The following PAICS variants were observed in gnomAD, a reference collection of about 807,000 sequenced individuals.
The protein encoded by PAICS is bifunctional phosphoribosylaminoimidazole carboxylase/phosphoribosylaminoimidazole succinocarboxamide synthetase.
In PAICS, 33 loss-of-function variants were observed where a neutral mutation model predicts 53.7. That is an observed-to-expected ratio of 0.61 (90% CI 0.47 to 0.82). PAICS has a LOEUF of 0.82. Ranked by LOEUF, PAICS falls within the 40% of genes least tolerant of loss-of-function variation. The pLI, the probability that PAICS is intolerant of heterozygous loss-of-function variation, is 0.00. For synonymous variants in PAICS, 141 were observed against 167.2 expected, an observed-to-expected ratio of 0.84 and a Z score of 1.21; for missense variants, 394 against 494.1, an observed-to-expected ratio of 0.80 and a Z score of 1.92.
the PAICS span, among the ~76,000 whole-genome samples, chr4:56,411,658 AT>A: frequency 6.6e-6 from 1 of 152,238 alleles, no homozygotes; most frequent in Non-Finnish European, 1.5e-5. Flanking sequence ...CAAGAGCAGA[AT>A]TATTCAAAAA....
chr4:56,451,871 G>A lies in PAICS; in HGVS notation c.772-1G>A, dbSNP rs1207199243. 1.3e-6 allele frequency: 2 copies of A among 1,535,956 alleles called. No individual in the cohort carries two copies. The highest frequency in any genetic ancestry group is 2.5e-5 in the South Asian group (2 of 79,212). ...TTCATATCCACGTATTTTTTCTTCA[G>A]TTGCTTTTGAAATCAGAAAGTCAGT... On this transcript the variant is annotated splice_acceptor_variant, in intron 6 of 8. Coordinates refer to ENST00000512576, the MANE Select transcript of PAICS (RefSeq NM_001079524.2). LOFTEE classifies it high-confidence loss of function.
chr4:56,433,375 C>T (rs573201368), upstream of PAICS, among the ~76,000 whole-genome samples: 4 of 137,880 alleles, frequency 2.9e-5, no homozygotes, highest in African/African-American at 1.1e-4. Context: ...ATATATGTAA[C>T]CAGGAATCAA....
At chr4:56,450,744 C>A (rs539510367) in intron 6 of PAICS, 42 bp downstream of exon 6, 2 of 940,168 alleles carry the variant, frequency 2.1e-6, no homozygotes, top group Non-Finnish European at 3.3e-6. Flanking sequence ...ATGTGTTTTT[C>A]TTCTAAGAAA....
chr4:56,437,256 GGTGTGTGTGTGTGTGT>G (rs57161391), intron 1 of PAICS, among the ~76,000 whole-genome samples: 14 of 124,402 alleles, frequency 1.1e-4, no homozygotes, highest in Admixed American at 4.0e-4. Flanking sequence ...ATGCCATGAT[GGTGTGTGTGTGTGTGT>G]GTGTGTGTGT....
At chr4:56,435,770 G>C, upstream of PAICS, 11 of 1,501,398 alleles carry the variant, frequency 7.3e-6, no homozygotes, top group Non-Finnish European at 8.0e-6. Context: ...CCTAAGAGCT[G>C]CCTGGAAAGC....
upstream of PAICS, chr4:56,435,606 C>T (rs1407892937): frequency 2.0e-6 from 3 of 1,523,406 alleles, no homozygotes; most frequent in African/African-American, 4.1e-5. Flanking sequence ...CGAGGGTGGC[C>T]CCAGCTACTG....
At chr4:56,434,858 C>T (rs183655799), upstream of PAICS, among the ~76,000 whole-genome samples, 161 of 152,376 alleles carry the variant, frequency 1.1e-3, no homozygotes, top group Non-Finnish European at 6.2e-4. Context: ...AACCCATAAT[C>T]TGCTCAATAG....
the PAICS span, among the ~76,000 whole-genome samples, chr4:56,413,927 G>A: frequency 2.0e-5 from 3 of 152,162 alleles, no homozygotes; most frequent in South Asian, 2.1e-4. Flanking sequence ...AATAATTAAC[G>A]ACTTAGGCTA....
chr4:56,423,370 C>T, the PAICS span: 1 of 152,166 alleles, frequency 6.6e-6, no homozygotes, highest in Non-Finnish European at 1.5e-5. Flanking sequence ...TGCCTATAAT[C>T]CCAGCTTCTT....
At chr4:56,431,590 T>C (rs1717586037), upstream of PAICS, 5 of 869,778 alleles carry the variant, frequency 5.7e-6, no homozygotes, top group East Asian at 1.2e-4. Context: ...ATGTTTGTCA[T>C]TGTAAGGTTC....
intron 1 of PAICS, among the ~76,000 whole-genome samples, chr4:56,440,815 G>T (rs1718299147): frequency 6.6e-6 from 1 of 152,196 alleles, no homozygotes; most frequent in Admixed American, 6.5e-5. Flanking sequence ...TTGGCACATG[G>T]ATACACCGGG....
At chr4:56,428,127 A>T in the PAICS span, among the ~76,000 whole-genome samples, 1 of 152,222 alleles carries the variant, frequency 6.6e-6, no homozygotes, top group Non-Finnish European at 1.5e-5. Context: ...CTTTTGACTC[A>T]TATTGAAGTT....
At chr4:56,441,371 G>C (rs1718328901) in intron 1 of PAICS, among the ~76,000 whole-genome samples, 1 of 151,966 alleles carries the variant, frequency 6.6e-6, no homozygotes, top group Admixed American at 6.6e-5. Context: ...AGAGGAGTTA[G>C]GATTTTATCT....
the PAICS span, among the ~76,000 whole-genome samples, chr4:56,427,130 G>C: frequency 1.3e-4 from 19 of 151,936 alleles, no homozygotes; most frequent in Non-Finnish European, 1.2e-4. Flanking sequence ...TTCATCCATC[G>C]ATGGTTATCT....
rs752603839 is a variant in PAICS at position 56,451,919 on chromosome 4, C to T, written c.819C>T (p.Gly273=). 5.6e-6 allele frequency: 9 copies of T among 1,606,280 alleles called. No homozygotes were observed. In the Admixed American group the frequency reaches 1.0e-4, roughly 18 times the overall value. The change falls in exon 7 of 9, where the codon GGC becomes GGT. Residue 273 remains glycine (G), a synonymous_variant. Coordinates refer to ENST00000512576, the MANE Select transcript of PAICS (RefSeq NM_001079524.2). ...ESQCRVVVLM[G]STSDLGHCEK... ...AGTGCAGGGTTGTAGTGTTGATGGG[C>T]TCTACTTCTGATCTTGGTCACTGTG...
chr4:56,450,882 A>C, intron 6 of PAICS, 180 bp downstream of exon 6: 1 of 488,984 alleles, frequency 2.0e-6, no homozygotes, highest in Non-Finnish European at 3.7e-6. Flanking sequence ...CAGTGGCGCC[A>C]TCTCAGCTCA....
the PAICS span, among the ~76,000 whole-genome samples, chr4:56,429,568 CTT>C: frequency 6.6e-6 from 1 of 152,114 alleles, no homozygotes; most frequent in African/African-American, 2.4e-5. Flanking sequence ...TCCAGTCTCT[CTT>C]TGACCCTAAT....
chr4:56,415,014 G>T, the PAICS span, among the ~76,000 whole-genome samples: 2 of 152,018 alleles, frequency 1.3e-5, no homozygotes, highest in Non-Finnish European at 2.9e-5. Flanking sequence ...TTTTTCATTT[G>T]TTTTCCTATT....
At chr4:56,432,124 T>C (rs745960103), upstream of PAICS, among the ~76,000 whole-genome samples, 6 of 152,208 alleles carry the variant, frequency 3.9e-5, no homozygotes, top group Non-Finnish European at 8.8e-5. Context: ...CCAGGTATTC[T>C]GTTAACCCCA....
Sources: gnomAD v4.1 joint callset for allele counts (sites outside exome capture counted in the v4.1 genomes callset) on GRCh38, gnomAD v4.1.1 for gene constraint, MANE v1.5 for transcripts, NCBI Gene and HGNC (gene_info 2026-07-23, HGNC 2026-07-21) for gene names.